The following ETV5 variants were observed in gnomAD, a reference collection of about 807,000 sequenced individuals.
ETV5 encodes the protein ETS translocation variant 5.
A neutral mutation model predicts 70.0 loss-of-function variants in ETV5; 10 were observed. The observed-to-expected ratio is 0.14, with a 90% CI of 0.09 to 0.24. The LOEUF (loss-of-function observed/expected upper bound fraction) is 0.24. ETV5 is among the 10% of genes least tolerant of loss of function. The pLI is 1.00. For missense variants in ETV5, 453 were observed against 651.2 expected, an observed-to-expected ratio of 0.70 and a Z score of 3.31; for synonymous variants, 216 against 242.2, an observed-to-expected ratio of 0.89 and a Z score of 1.01.
intron 5 of ETV5, among the ~76,000 whole-genome samples, chr3:186,100,168 C>T (rs1314696773): frequency 6.6e-6 from 1 of 152,228 alleles, no homozygotes; most frequent in Non-Finnish European, 1.5e-5. Flanking sequence ...GAAAGTAACA[C>T]TGTAAAACCT....
At chr3:186,059,835 A>G (rs928686645) in intron 9 of ETV5, among the ~76,000 whole-genome samples, 1 of 152,212 alleles carries the variant, frequency 6.6e-6, no homozygotes, top group African/African-American at 2.4e-5. Context: ...TACTAAATAA[A>G]TATTTGAATA....
intron 11 of ETV5, among the ~76,000 whole-genome samples, chr3:186,053,681 T>C (rs546220306): frequency 3.9e-4 from 59 of 152,318 alleles, no homozygotes; most frequent in African/African-American, 1.3e-3. Flanking sequence ...GCAGACACGA[T>C]GTCCTGGGTC....
chr3:186,064,407 G>A lies in ETV5; in HGVS notation c.970+10C>T. 1 of 1,613,520 alleles carries A rather than the reference G, an allele frequency of 6.2e-7. No individual in the cohort carries two copies. Among genetic ancestry groups the A allele is most frequent in the Non-Finnish European group, 8.5e-7 (1 of 1,179,492 alleles). On this transcript the variant is annotated intron_variant, in intron 9 of 12. Transcript: ENST00000306376. ...GAGGAGAGAAGAGGAAAGAAAAGCA[G>A]GTTCCTTACCTTCATGGCTGCTGGA... is the stretch of plus-strand genomic sequence containing the variant.
In ETV5 at chr3:186,105,722, G is replaced by A; in HGVS notation, c.46-10C>T. The A allele has an allele frequency of 6.2e-7, 1 of 1,614,118 alleles. No individual in the cohort carries two copies. The highest frequency in any genetic ancestry group is 8.5e-7 in the Non-Finnish European group (1 of 1,179,992). ...CCTCAGATCGAGATTTCTGAAAGAG[G>A]CCAACAGAAAGTGAAGGCTCAAGTG... On this transcript the variant is annotated splice_polypyrimidine_tract_variant and intron_variant, in intron 2 of 12. Transcript: ENST00000306376. The surrounding 1 kb of genome is among the most constrained non-coding windows in gnomAD (Gnocchi z 4.5).
chr3:186,049,136 T>C (rs193011141), intron 12 of ETV5, among the ~76,000 whole-genome samples: 65 of 152,290 alleles, frequency 4.3e-4, no homozygotes, highest in African/African-American at 1.4e-3. Context: ...AGTGACAGCT[T>C]TGAAAGCATG....
chr3:186,090,189 G>C (rs544462038), intron 5 of ETV5, among the ~76,000 whole-genome samples: 2 of 152,150 alleles, frequency 1.3e-5, no homozygotes, highest in Non-Finnish European at 2.9e-5. Context: ...GTCGACAAAT[G>C]AAGAAAGCCA....
intron 5 of ETV5, among the ~76,000 whole-genome samples, chr3:186,089,977 C>T (rs1578556836): frequency 6.6e-6 from 1 of 152,106 alleles, no homozygotes; most frequent in South Asian, 2.1e-4. Flanking sequence ...TGTTATAATG[C>T]CTGAAACTTG....
chr3:186,050,971 T>C (rs763650943), intron 12 of ETV5, among the ~76,000 whole-genome samples: 2 of 152,244 alleles, frequency 1.3e-5, no homozygotes, highest in Non-Finnish European at 2.9e-5. Context: ...TGTACATGCA[T>C]GTAACATGTA....
At chr3:186,082,072 C>CA (rs1713945607) in intron 5 of ETV5, among the ~76,000 whole-genome samples, 1 of 152,150 alleles carries the variant, frequency 6.6e-6, no homozygotes, top group African/African-American at 2.4e-5. Context: ...ACCCAAAGAA[C>CA]AAAAAACCGA....
At chr3:186,101,316 C>T (rs1291275361) in intron 5 of ETV5, among the ~76,000 whole-genome samples, 2 of 152,148 alleles carry the variant, frequency 1.3e-5, no homozygotes, top group African/African-American at 4.8e-5. Flanking sequence ...GGGTCTTGCT[C>T]TGGTACCTAG....
intron 11 of ETV5, among the ~76,000 whole-genome samples, chr3:186,053,151 G>A (rs1713073715): frequency 6.6e-6 from 1 of 151,886 alleles, no homozygotes; most frequent in Admixed American, 6.6e-5. Context: ...GCCCAGGCTG[G>A]AGTGCAGTGG....
At chr3:186,081,218 G>A in intron 5 of ETV5, 43 bp from the exon 6 acceptor site, 1 of 1,572,020 alleles carries the variant, frequency 6.4e-7, no homozygotes, top group African/African-American at 1.4e-5. Context: ...AGAGAGAACA[G>A]CTGATTAACA....
chr3:186,107,030 C>T (rs1714604667), intron 1 of ETV5: 8 of 797,784 alleles, frequency 1.0e-5, no homozygotes, highest in African/African-American at 1.9e-5. Context: ...ACTTTTCCCC[C>T]GGTGAGCAAT....
At chr3:186,095,525 G>C (rs1275239085) in intron 5 of ETV5, among the ~76,000 whole-genome samples, 2 of 152,130 alleles carry the variant, frequency 1.3e-5, no homozygotes, top group African/African-American at 4.8e-5. Flanking sequence ...CCAAACCCTA[G>C]GGAAATGAGT....
intron 5 of ETV5, among the ~76,000 whole-genome samples, chr3:186,083,703 A>G (rs1278148503): frequency 2.6e-5 from 4 of 152,230 alleles, no homozygotes; most frequent in Non-Finnish European, 4.4e-5. Flanking sequence ...GGAGTTCAAA[A>G]AGTATTTTTG....
chr3:186,096,005 A>C (rs1714294946), intron 5 of ETV5, among the ~76,000 whole-genome samples: 1 of 152,188 alleles, frequency 6.6e-6, no homozygotes, highest in African/African-American at 2.4e-5. Context: ...AGACACTTGG[A>C]GCCTAAGAAA....
In ETV5 at chr3:186,046,801, G is replaced by C. The variant is rs1372013209; in HGVS notation, c.*1838C>G. On this transcript the variant is annotated 3_prime_UTR_variant, in exon 13 of 13. Coordinates refer to ENST00000306376, the MANE Select transcript of ETV5 (RefSeq NM_004454.3). ...GCATCTATGTATAGACTATGTGTAGGTTAAGAAAGCTATAAATATGGTTTA... is the reference window on the plus strand; with the variant it reads ...GCATCTATGTATAGACTATGTGTAGCTTAAGAAAGCTATAAATATGGTTTA... The C allele has an allele frequency of 8.6e-6, 2 of 232,346 alleles. No individual in the cohort carries two copies. The allele number at this position is 232,346 out of a possible 1,614,324, so 14.4% of individuals were successfully genotyped here. A position where few individuals can be genotyped will look rare whatever the true frequency, so the allele number is the denominator to read the frequency against.
chr3:186,098,591 G>T (rs1714370353), intron 5 of ETV5, among the ~76,000 whole-genome samples: 1 of 151,656 alleles, frequency 6.6e-6, no homozygotes, highest in Non-Finnish European at 1.5e-5. Flanking sequence ...GAGATCTAAG[G>T]TTGGAGGGTG....
intron 7 of ETV5, among the ~76,000 whole-genome samples, chr3:186,067,854 G>A (rs1390283946): frequency 6.6e-6 from 1 of 152,040 alleles, no homozygotes; most frequent in African/African-American, 2.4e-5. Flanking sequence ...AAAACCAAAA[G>A]TAAAACTGAG....
Sources: allele counts gnomAD v4.1 joint callset (sites outside exome capture counted in the v4.1 genomes callset), GRCh38; gene constraint gnomAD v4.1.1; non-coding constraint Gnocchi (gnomAD v3.1); transcripts MANE v1.5; gene names NCBI Gene and HGNC (gene_info 2026-07-23, HGNC 2026-07-21).